The following GAS2 variants were observed in gnomAD, a reference collection of about 807,000 sequenced individuals.
GAS2 encodes the protein growth arrest-specific protein 2.
GAS2 carries 20 observed loss-of-function variants against 37.5 expected under a neutral mutation model. The observed-to-expected ratio is 0.53, with a 90% CI of 0.37 to 0.77. The LOEUF (loss-of-function observed/expected upper bound fraction) is 0.77, where lower values mean the gene tolerates loss of function less well. Ranked by LOEUF, GAS2 falls within the 30% of genes least tolerant of loss-of-function variation. The probability of loss-of-function intolerance (pLI) is 0.00; values close to 1 mark genes in which losing one functional copy is unlikely to be tolerated. For synonymous variants in GAS2, 144 were observed against 132.2 expected (o/e 1.09, Z -0.61); for missense variants, 336 against 373.4 (o/e 0.90, Z 0.82).
chr11:22,792,640 G>C (rs988959471), intron 7 of GAS2, among the ~76,000 whole-genome samples: 1 of 152,170 alleles, frequency 6.6e-6, no homozygotes, highest in Non-Finnish European at 1.5e-5. Flanking sequence ...TAGGGCATTC[G>C]TTATGTATGG....
At chr11:22,799,297 A>G (rs1223487977) in intron 7 of GAS2, among the ~76,000 whole-genome samples, 1 of 152,086 alleles carries the variant, frequency 6.6e-6, no homozygotes, top group Admixed American at 6.6e-5. Context: ...TAAGCATTAA[A>G]AGACAGAAAA....
At chr11:22,764,365 C>T (rs1047877833) in intron 7 of GAS2, among the ~76,000 whole-genome samples, 6 of 152,002 alleles carry the variant, frequency 3.9e-5, no homozygotes, top group South Asian at 4.2e-4. Flanking sequence ...TCGAGACCAT[C>T]CTGGCTAACA....
At chr11:22,790,468 C>A (rs1856091448) in intron 7 of GAS2, among the ~76,000 whole-genome samples, 1 of 152,046 alleles carries the variant, frequency 6.6e-6, no homozygotes, top group Admixed American at 6.5e-5. Flanking sequence ...TATACTTTTT[C>A]ATCCAACAAT....
chr11:22,743,610 G>T (rs1400516383), intron 5 of GAS2, among the ~76,000 whole-genome samples: 1 of 151,904 alleles, frequency 6.6e-6, no homozygotes, highest in East Asian at 1.9e-4. Flanking sequence ...TCTTCCTCTT[G>T]CCTCCCTCCC....
chr11:22,803,285 C>T (rs543401253), intron 7 of GAS2, among the ~76,000 whole-genome samples: 23 of 152,230 alleles, frequency 1.5e-4, no homozygotes, highest in African/African-American at 5.3e-4. Flanking sequence ...TCACTAGACA[C>T]GTTTTCTTCT....
At chr11:22,723,075 T>TA (rs770863825) in intron 3 of GAS2, among the ~76,000 whole-genome samples, 25 of 151,868 alleles carry the variant, frequency 1.6e-4, no homozygotes, top group Non-Finnish European at 2.9e-4. Flanking sequence ...CTTAAAAAAA[T>TA]CCTCAAATAA....
Position 22,789,423 on chromosome 11 carries a change from G to GATATATAT in GAS2, c.724-22374_724-22373insTATATATA, listed in dbSNP as rs1491294585. On this transcript the variant is annotated intron_variant, in intron 7 of 7. Transcript: ENST00000454584. ...GTGTGTATGTGTGTGTATCTCATATGAGATATATATATATATATATATATA... is the reference window on the plus strand; with the variant it reads ...GTGTGTATGTGTGTGTATCTCATATGATATATATAGATATATATATATATATATATATA... 3.1e-4 allele frequency among the ~76,000 whole-genome samples: 22 copies of GATATATAT among 71,162 alleles called. 2 individuals are homozygous for GATATATAT. The East Asian group carries it at 3.1e-3, about 10-fold the overall frequency. The allele number at this position is 71,162 out of a possible 152,430, so 46.7% of individuals were successfully genotyped here.
intron 3 of GAS2, among the ~76,000 whole-genome samples, chr11:22,700,579 T>C (rs922304828): frequency 3.3e-5 from 5 of 152,172 alleles, no homozygotes; most frequent in African/African-American, 9.7e-5. Context: ...AAGTGGATCT[T>C]GGAGGAGGAT....
chr11:22,628,171 C>G (rs564113684), intron 1 of GAS2, among the ~76,000 whole-genome samples: 81 of 152,216 alleles, frequency 5.3e-4, no homozygotes, highest in African/African-American at 1.9e-3. Context: ...GCATTTCAAC[C>G]TATATTCTTG....
At chr11:22,776,348 C>T (rs1163409665) in intron 7 of GAS2, among the ~76,000 whole-genome samples, 1 of 152,156 alleles carries the variant, frequency 6.6e-6, no homozygotes, top group East Asian at 1.9e-4. Flanking sequence ...ACTGTACTTA[C>T]AAAAATAGGT....
At chr11:22,706,898 AG>A (rs1364047968) in intron 3 of GAS2, among the ~76,000 whole-genome samples, 2 of 152,064 alleles carry the variant, frequency 1.3e-5, no homozygotes, top group Admixed American at 6.5e-5. Flanking sequence ...TAGATCCCTG[AG>A]GAATCGCCAC....
At chr11:22,759,869 A>G (rs1854277027) in intron 7 of GAS2, among the ~76,000 whole-genome samples, 2 of 152,234 alleles carry the variant, frequency 1.3e-5, no homozygotes, top group South Asian at 4.1e-4. Context: ...TTCAAGTATC[A>G]AGAAGTCACT....
chr11:22,793,252 T>C (rs185451055), intron 7 of GAS2, among the ~76,000 whole-genome samples: 63 of 152,180 alleles, frequency 4.1e-4, no homozygotes, highest in African/African-American at 1.4e-3. Context: ...CCAGCCTGGA[T>C]GACAAGAGTG....
In GAS2 at chr11:22,716,502, C is replaced by T. The variant is rs542811335; in HGVS notation, c.268-9790C>T. ...TAAAAATTCAAAATTTAGTCAGGCA[C>T]CATGACACACACCTATAATCGCACC... On this transcript the variant is annotated intron_variant, in intron 3 of 7. Transcript: ENST00000454584. 2.3e-3 allele frequency among the ~76,000 whole-genome samples: 352 copies of T among 151,914 alleles called. 1 individual carries two copies. The highest frequency in any genetic ancestry group is 4.0e-3 in the Non-Finnish European group (275 of 67,916).
chr11:22,648,236 A>G (rs576905797), intron 1 of GAS2, among the ~76,000 whole-genome samples: 18 of 151,948 alleles, frequency 1.2e-4, no homozygotes, highest in Non-Finnish European at 2.5e-4. Flanking sequence ...ATAGTTGTAG[A>G]TATGCGGCGT....
At chr11:22,677,790 T>G (rs1849498000) in intron 2 of GAS2, among the ~76,000 whole-genome samples, 1 of 152,162 alleles carries the variant, frequency 6.6e-6, no homozygotes, top group South Asian at 2.1e-4. Context: ...GTCACTCAGC[T>G]ATCTTTTCTG....
intron 3 of GAS2, among the ~76,000 whole-genome samples, chr11:22,709,398 G>GA (rs565782346): frequency 6.6e-6 from 1 of 151,792 alleles, no homozygotes. Flanking sequence ...ACATGTATTT[G>GA]AAAAAAAATT....
chr11:22,692,756 A>C (rs1387186021), intron 3 of GAS2, among the ~76,000 whole-genome samples: 3 of 152,016 alleles, frequency 2.0e-5, no homozygotes, highest in Non-Finnish European at 4.4e-5. Flanking sequence ...CCTTTCACAT[A>C]CTCAATGGTA....
At chr11:22,636,158 T>A (rs1016911488) in intron 1 of GAS2, among the ~76,000 whole-genome samples, 3 of 152,200 alleles carry the variant, frequency 2.0e-5, no homozygotes, top group African/African-American at 7.2e-5. Context: ...GTGTTGCTTC[T>A]TGGAGAAAAG....
Sources: allele counts gnomAD v4.1 joint callset (sites outside exome capture counted in the v4.1 genomes callset), GRCh38; gene constraint gnomAD v4.1.1; transcripts MANE v1.5; gene names NCBI Gene and HGNC (gene_info 2026-07-23, HGNC 2026-07-21).